The following SSH2 variants were observed in gnomAD, a reference collection of about 807,000 sequenced individuals.
The protein encoded by SSH2 is protein phosphatase Slingshot homolog 2.
A neutral mutation model predicts 135.2 loss-of-function variants in SSH2; 37 were observed. The ratio of observed to expected loss-of-function variants is 0.27; its 90% CI spans 0.21 to 0.36. SSH2 has a LOEUF of 0.36. SSH2 is among the 10% of genes least tolerant of loss of function. SSH2 has a pLI of 1.00. For synonymous variants in SSH2, 628 were observed against 646.2 expected (o/e 0.97, Z 0.43); for missense variants, 1,408 against 1,765.3 (o/e 0.80, Z 3.63).
At chr17:29,840,999 A>G (rs1327879013) in intron 2 of SSH2, among the ~76,000 whole-genome samples, 3 of 152,208 alleles carry the variant, frequency 2.0e-5, no homozygotes, top group Non-Finnish European at 2.9e-5. Context: ...AAAGTCTGAG[A>G]GAGCCCTCTA....
At chr17:29,783,262 T>C (rs934829088) in intron 3 of SSH2, among the ~76,000 whole-genome samples, 1 of 142,974 alleles carries the variant, frequency 7.0e-6, no homozygotes, top group Non-Finnish European at 1.5e-5. Context: ...TATATAAATA[T>C]AATATTTATA....
intron 2 of SSH2, among the ~76,000 whole-genome samples, chr17:29,841,892 A>ATTT (rs770836134): frequency 0.016 from 1,610 of 99,602 alleles, 50 homozygotes; most frequent in Admixed American, 0.045. Flanking sequence ...CCCTTGGCTA[A>ATTT]TTTTTTTTTT....
intron 12 of SSH2, among the ~76,000 whole-genome samples, chr17:29,653,580 A>C (rs1172211414): frequency 6.6e-6 from 1 of 151,930 alleles, no homozygotes; most frequent in Non-Finnish European, 1.5e-5. Context: ...GGTTTCCCAG[A>C]AGTACAGATT....
chr17:29,812,707 G>A (rs956863696), intron 2 of SSH2, among the ~76,000 whole-genome samples: 2 of 152,054 alleles, frequency 1.3e-5, no homozygotes, highest in Admixed American at 6.6e-5. Flanking sequence ...TGGCTAACAC[G>A]GTGAAACCCC....
In SSH2 at chr17:29,913,356, A is replaced by AAAAAAT. The variant is rs1567650094; in HGVS notation, c.63+16581_63+16582insATTTTT. Among the ~76,000 whole-genome samples, 25 of 71,020 alleles carry AAAAAAT rather than the reference A, an allele frequency of 3.5e-4. 3 individuals are homozygous for AAAAAAT. The highest frequency in any genetic ancestry group is 1.0e-3 in the South Asian group (2 of 1,948). The allele number at this position is 71,020 out of a possible 152,430, so 46.6% of individuals were successfully genotyped here. A position where few individuals can be genotyped will look rare whatever the true frequency, so the allele number is the denominator to read the frequency against. On this transcript the variant is annotated intron_variant, in intron 1 of 15. Transcript: ENST00000540801. Reference sequence around the variant, plus strand: ...AAAAAAAAAAAAAAAAAATATATATATATATATATATATATATATATATAT... The same window carrying AAAAAAT: ...AAAAAAAAAAAAAAAAAATATATATAAAAAATTATATATATATATATATATATATAT...
chr17:29,899,720 A>AT (rs1475634070), intron 1 of SSH2, among the ~76,000 whole-genome samples: 1 of 152,146 alleles, frequency 6.6e-6, no homozygotes, highest in Non-Finnish European at 1.5e-5. Context: ...TAATTTATAG[A>AT]TTTTCAATGC....
intron 2 of SSH2, among the ~76,000 whole-genome samples, chr17:29,811,723 C>T (rs963822735): frequency 3.9e-5 from 6 of 152,082 alleles, no homozygotes; most frequent in African/African-American, 1.2e-4. Flanking sequence ...TGTGCACCAC[C>T]ATGCCCAGCT....
intron 1 of SSH2, among the ~76,000 whole-genome samples, chr17:29,850,683 C>G (rs2065538492): frequency 6.6e-6 from 1 of 152,012 alleles, no homozygotes; most frequent in African/African-American, 2.4e-5. Context: ...CAGAAATAAC[C>G]AAATATTTAA....
At chr17:29,915,359 G>A (rs2066862847) in intron 1 of SSH2, among the ~76,000 whole-genome samples, 1 of 152,048 alleles carries the variant, frequency 6.6e-6, no homozygotes, top group Non-Finnish European at 1.5e-5. Context: ...CGTAATAGCT[G>A]GATTAGACAG....
At chr17:29,643,445 T>C (rs2036248096) in intron 14 of SSH2, 1 of 181,770 alleles carries the variant, frequency 5.5e-6, no homozygotes, top group Admixed American at 6.8e-5. Flanking sequence ...GGAGTCTCGC[T>C]CTGTCACCCA....
intron 9 of SSH2, among the ~76,000 whole-genome samples, chr17:29,671,024 A>G (rs1000316626): frequency 3.9e-5 from 6 of 152,352 alleles, no homozygotes; most frequent in Non-Finnish European, 5.9e-5. Flanking sequence ...GTTTCAACAC[A>G]TAGACCTAAA....
At chr17:29,764,291 C>G (rs1049039409) in intron 3 of SSH2, among the ~76,000 whole-genome samples, 5 of 152,184 alleles carry the variant, frequency 3.3e-5, no homozygotes, top group African/African-American at 1.2e-4. Context: ...ATCATCTTTG[C>G]AAACTGGGAT....
At chr17:29,905,409 T>C (rs1369672526) in intron 1 of SSH2, among the ~76,000 whole-genome samples, 1 of 152,176 alleles carries the variant, frequency 6.6e-6, no homozygotes, top group Non-Finnish European at 1.5e-5. Flanking sequence ...GAGGTGTGGC[T>C]GGGGCTGCAT....
chr17:29,704,188 A>G (rs1403827482), intron 3 of SSH2, among the ~76,000 whole-genome samples: 1 of 152,194 alleles, frequency 6.6e-6, no homozygotes, highest in Non-Finnish European at 1.5e-5. Flanking sequence ...GTATGTTACA[A>G]TATTTAGCTA....
intron 5 of SSH2, among the ~76,000 whole-genome samples, chr17:29,688,757 C>A (rs1037484256): frequency 1.3e-5 from 2 of 152,130 alleles, no homozygotes; most frequent in African/African-American, 2.4e-5. Context: ...CTAGACAGTA[C>A]CTACAGTATT....
Position 29,848,914 on chromosome 17 carries a change from C to T in SSH2, c.79G>A (p.Asp27Asn). 1 of 1,534,526 alleles carries T rather than the reference C, an allele frequency of 6.5e-7. No individual in the cohort carries two copies. Among genetic ancestry groups the T allele is most frequent in the Non-Finnish European group, 8.7e-7 (1 of 1,145,912 alleles). ...CAAAGTAATGCTGCTGATTCACTGTCTTCCAAATGAGAGCTCTGTAATACA... is the reference window on the plus strand; with the variant it reads ...CAAAGTAATGCTGCTGATTCACTGTTTTCCAAATGAGAGCTCTGTAATACA... ...SPCASSSHLE[D>N]SESAALLCCE... is the part of the protein sequence containing the mutation. Residue 27 changes from aspartate to asparagine, a missense_variant, in exon 2 of 16, where the codon GAC becomes AAC. Coordinates refer to ENST00000540801, the MANE Select transcript of SSH2 (RefSeq NM_001282129.2).
At chr17:29,635,500 G>C (rs2035869898) in intron 15 of SSH2, among the ~76,000 whole-genome samples, 1 of 151,982 alleles carries the variant, frequency 6.6e-6, no homozygotes, top group Non-Finnish European at 1.5e-5. Context: ...CGCCTCCTGG[G>C]TTCACACCAT....
At chr17:29,689,029 G>A (rs138690886) in intron 5 of SSH2, among the ~76,000 whole-genome samples, 2 of 152,186 alleles carry the variant, frequency 1.3e-5, no homozygotes, top group East Asian at 3.9e-4. Context: ...GTGGTGGCAT[G>A]TGTCTATAAT....
At chr17:29,761,443 G>GCCC (rs2041302144) in intron 3 of SSH2, 14 of 996,734 alleles carry the variant, frequency 1.4e-5, no homozygotes, top group Non-Finnish European at 1.7e-5. Flanking sequence ...GACGGGCGTC[G>GCCC]CCAGCAGTTC....
Sources: allele counts gnomAD v4.1 joint callset (sites outside exome capture counted in the v4.1 genomes callset), GRCh38; gene constraint gnomAD v4.1.1; transcripts MANE v1.5; gene names NCBI Gene and HGNC (gene_info 2026-07-23, HGNC 2026-07-21).